Variants in ZNF701 observed in about 807,000 individuals in gnomAD.
ZNF701 encodes the protein zinc finger protein 701.
Under a neutral mutation model 7.1 loss-of-function variants are expected in ZNF701, and 6 were observed. The ratio of observed to expected loss-of-function variants is 0.84; its 90% CI spans 0.46 to 1.66. The LOEUF is 1.66. Among genes scored for constraint, ZNF701 ranks in the 40% most tolerant of loss-of-function variants. The pLI, the probability that ZNF701 is intolerant of heterozygous loss-of-function variation, is 0.01. For synonymous variants in ZNF701, 166 were observed against 188.2 expected (o/e 0.88, Z 0.97); for missense variants, 541 against 559.2 (o/e 0.97, Z 0.33).
chr19:52,589,262 C>G (rs1291903552), downstream of ZNF701, among the ~76,000 whole-genome samples: 1 of 151,938 alleles, frequency 6.6e-6, no homozygotes, highest in Non-Finnish European at 1.5e-5. Context: ...AAATGAAAGC[C>G]CTTTTTATTT....
rs1393289422 is a variant in ZNF701, at chr19:52,586,172, G to C, written c.*2715G>C. 2.0e-5 allele frequency: 3 copies of C among 152,202 alleles called. No homozygotes were observed. The highest frequency in any genetic ancestry group is 2.0e-4 in the Admixed American group (3 of 15,256). 9.4% of individuals were successfully genotyped at this position (152,202 alleles called of 1,614,324 possible). ...TCCTCCCACCTCAGCCTGCAGAGTA[G>C]CTGGGACCACAGCCGCGCGCCACCA... On this transcript the variant is annotated 3_prime_UTR_variant, in exon 4 of 4. Coordinates refer to ENST00000391785, the MANE Select transcript of ZNF701 (RefSeq NM_018260.3).
chr19:52,582,572 T>C lies in ZNF701; in HGVS notation c.513T>C (p.Ala171=), dbSNP rs1024990383. ...GNQVEKAIND[A]FSVSASQRIS... The stretch of plus-strand genomic sequence containing the variant: ...AAGTTGAGAAGGCTATCAACGATGC[T>C]TTCTCAGTTTCAGCATCCCAACGAA... Residue 171 remains alanine (A), a synonymous_variant, in exon 4 of 4, where the codon GCT becomes GCC. Transcript: ENST00000391785. 1 of 1,614,222 alleles carries C rather than the reference T, an allele frequency of 6.2e-7. No homozygotes were observed. Among genetic ancestry groups the C allele is most frequent in the Non-Finnish European group, 8.5e-7 (1 of 1,180,044 alleles).
chr19:52,574,140 A>G lies in ZNF701; in HGVS notation c.-8A>G. 2 of 1,612,200 alleles carry G rather than the reference A, an allele frequency of 1.2e-6. No homozygotes were observed. The highest frequency in any genetic ancestry group is 8.5e-7 in the Non-Finnish European group (1 of 1,179,210). ...CGGAAGAGGAAGAGGAAAGCAAAGG[A>G]GTCAGGGATGGCTCTTCTTCAGGTG... On this transcript the variant is annotated 5_prime_UTR_variant, in exon 2 of 4. Coordinates refer to ENST00000391785, the MANE Select transcript of ZNF701 (RefSeq NM_018260.3).
chr19:52,582,952 A>G lies in ZNF701; in HGVS notation c.893A>G (p.Tyr298Cys). 1 of 1,614,162 alleles carries G rather than the reference A, an allele frequency of 6.2e-7. No individual in the cohort carries two copies. The highest frequency in any genetic ancestry group is 8.5e-7 in the Non-Finnish European group (1 of 1,179,996). Residue 298 changes from tyrosine (Y) to cysteine (C), a missense_variant, in exon 4 of 4, where the codon TAC becomes TGC. Transcript: ENST00000391785. ...GCAATTCATACTGGAGAGAAACCTT[A>G]CAAGTGTAATGAATGTGGCAAGGTT... is the stretch of plus-strand genomic sequence containing the variant. ...HKAIHTGEKP[Y>C]KCNECGKVFN...
downstream of ZNF701, among the ~76,000 whole-genome samples, chr19:52,590,120 T>TTTTA (rs2060031330): frequency 6.8e-6 from 1 of 148,128 alleles, no homozygotes. Context: ...TTTTTTTTTT[T>TTTTA]GAGACAGTCT....
chr19:52,596,855 T>C, the ZNF701 span: 1 of 548,666 alleles, frequency 1.8e-6, no homozygotes, highest in South Asian at 1.4e-5. Context: ...TCATACTGTC[T>C]AAGGTTTCTA....
chr19:52,580,773 AC>A (rs1195997846), intron 3 of ZNF701, among the ~76,000 whole-genome samples: 1 of 151,944 alleles, frequency 6.6e-6, no homozygotes, highest in East Asian at 1.9e-4. Flanking sequence ...TTATGACTTT[AC>A]CTGTGAGTTT....
rs1385976380 is a variant in ZNF701, at chr19:52,572,312, C to T, written c.-71-1765C>T. On this transcript the variant is annotated intron_variant, in intron 1 of 3. Coordinates refer to ENST00000391785, the MANE Select transcript of ZNF701 (RefSeq NM_018260.3). ...TCAGGTGATCCGCCTGCCTCGGCCT[C>T]CCAAAGTGCTGGGATTACAGGTGTG... 4 of 1,167,442 alleles carry T rather than the reference C, an allele frequency of 3.4e-6. No homozygotes were observed. Among genetic ancestry groups the T allele is most frequent in the Non-Finnish European group, 4.6e-6 (4 of 878,970 alleles). The allele number at this position is 1,167,442 out of a possible 1,614,324, so 72.3% of individuals were successfully genotyped here. A position where few individuals can be genotyped will look rare whatever the true frequency, so the allele number is the denominator to read the frequency against.
chr19:52,591,834 G>A (rs962406510), downstream of ZNF701, among the ~76,000 whole-genome samples: 1 of 152,160 alleles, frequency 6.6e-6, no homozygotes, highest in African/African-American at 2.4e-5. Context: ...GGGATTCCAG[G>A]CCTGAGGCAC....
At chr19:52,582,149 A>G in intron 3 of ZNF701, 53 bp from the exon 4 acceptor site, 1 of 1,432,826 alleles carries the variant, frequency 7.0e-7, no homozygotes. Context: ...ACATTTCAGT[A>G]TTGTATAACT....
chr19:52,579,068 A>G (rs1239058671), intron 3 of ZNF701, among the ~76,000 whole-genome samples: 1 of 129,072 alleles, frequency 7.7e-6, no homozygotes, highest in African/African-American at 4.2e-5. Flanking sequence ...TTCAGTAAAC[A>G]GAAATGAAGT....
intron 3 of ZNF701, among the ~76,000 whole-genome samples, chr19:52,576,744 C>G (rs10164361): frequency 0.015 from 2,291 of 152,148 alleles, 60 homozygotes; most frequent in African/African-American, 0.053. Flanking sequence ...GTAATGTCTT[C>G]TTTCCTACAG....
chr19:52,590,315 G>A (rs2060032134), downstream of ZNF701, among the ~76,000 whole-genome samples: 1 of 144,918 alleles, frequency 6.9e-6, no homozygotes, highest in African/African-American at 2.6e-5. Flanking sequence ...TGACCAGGCT[G>A]TTCTGCAAAC....
At chr19:52,575,225 C>T (rs10164291) in intron 2 of ZNF701, among the ~76,000 whole-genome samples, 4,596 of 152,108 alleles carry the variant, frequency 0.03, 91 homozygotes, top group African/African-American at 0.056. Flanking sequence ...CGCCTCAGCC[C>T]CCCAAAGTGC....
intron 3 of ZNF701, among the ~76,000 whole-genome samples, chr19:52,580,045 C>T (rs1035193728): frequency 7.1e-6 from 1 of 141,778 alleles, no homozygotes; most frequent in Non-Finnish European, 1.5e-5. Context: ...GGGGTCACAC[C>T]ATTCTCCTGC....
intron 2 of ZNF701, 95 bp downstream of exon 2, chr19:52,574,257 C>A: frequency 6.4e-7 from 1 of 1,556,626 alleles, no homozygotes; most frequent in South Asian, 1.1e-5. Flanking sequence ...AAGTGTCCTG[C>A]CTGACAGGTT....
intron 3 of ZNF701, among the ~76,000 whole-genome samples, chr19:52,578,841 T>C (rs920856570): frequency 6.6e-6 from 1 of 152,104 alleles, no homozygotes; most frequent in Non-Finnish European, 1.5e-5. Context: ...CACTGCAAGC[T>C]CCACCTCCCG....
chr19:52,571,112 AAGAT>A (rs2059895289), intron 1 of ZNF701, among the ~76,000 whole-genome samples: 1 of 150,986 alleles, frequency 6.6e-6, no homozygotes, highest in Non-Finnish European at 1.5e-5. Context: ...TGAAAAAAAA[AAGAT>A]AAGAAAGCAG....
chr19:52,595,960 T>A, the ZNF701 span: 1 of 1,611,272 alleles, frequency 6.2e-7, no homozygotes, highest in East Asian at 2.2e-5. Context: ...AAATTGGTAA[T>A]CAAGTGGAGA....
Sources: allele counts gnomAD v4.1 joint callset (sites outside exome capture counted in the v4.1 genomes callset), GRCh38; gene constraint gnomAD v4.1.1; transcripts MANE v1.5; gene names NCBI Gene and HGNC (gene_info 2026-07-23, HGNC 2026-07-21).